ALK: variants seen among roughly 807,000 people sequenced by gnomAD.
The protein encoded by ALK is ALK tyrosine kinase receptor.
ALK carries 74 observed loss-of-function variants against 163.1 expected under a neutral mutation model. The observed-to-expected ratio is 0.45, with a 90% CI of 0.38 to 0.55. The LOEUF is 0.55. ALK is among the 20% of genes least tolerant of loss of function. The pLI is 0.00. For synonymous variants in ALK, 960 were observed against 843.2 expected (o/e 1.14, Z -2.40); for missense variants, 2,063 against 2,105.3 (o/e 0.98, Z 0.39).
At chr2:29,750,926 A>G (rs1455101596) in intron 1 of ALK, among the ~76,000 whole-genome samples, 1 of 150,806 alleles carries the variant, frequency 6.6e-6, no homozygotes, top group Non-Finnish European at 1.5e-5. Flanking sequence ...AAAAATTAGC[A>G]GGGCATGGTG....
chr2:29,274,755 T>C (rs541843086), intron 11 of ALK, among the ~76,000 whole-genome samples: 26 of 152,314 alleles, frequency 1.7e-4, no homozygotes, highest in Admixed American at 1.4e-3. Flanking sequence ...GGAGGAGAAA[T>C]CTTACAGTAA....
intron 3 of ALK, among the ~76,000 whole-genome samples, chr2:29,673,245 C>A (rs1207052382): frequency 1.6e-5 from 2 of 126,884 alleles, no homozygotes; most frequent in East Asian, 2.2e-4. Flanking sequence ...GACATGAAGT[C>A]CTTGCCCATG....
At chr2:29,324,814 T>C (rs571861441) in intron 6 of ALK, among the ~76,000 whole-genome samples, 1 of 152,164 alleles carries the variant, frequency 6.6e-6, no homozygotes, top group Non-Finnish European at 1.5e-5. Context: ...CAGGAGTGGC[T>C]GTATTGGAGA....
chr2:29,727,995 T>A (rs999887236), intron 1 of ALK, among the ~76,000 whole-genome samples: 2 of 152,154 alleles, frequency 1.3e-5, no homozygotes, highest in African/African-American at 4.8e-5. Context: ...AATATGATCT[T>A]CTGTGCCCCC....
chr2:29,782,370 C>A (rs986775579), intron 1 of ALK, among the ~76,000 whole-genome samples: 1 of 152,130 alleles, frequency 6.6e-6, no homozygotes, highest in Non-Finnish European at 1.5e-5. Flanking sequence ...TGTCTATGGT[C>A]CCCAAGCTGG....
rs1677543281 is a variant in ALK at position 29,667,325 on chromosome 2, A to G, written c.952+27525T>C. ...CTTTATTTATTTCTCTGAATAAATT[A>G]CTCTGGCCAGGACCTCCAGTGTTAT... On this transcript the variant is annotated intron_variant, in intron 3 of 28. Transcript: ENST00000389048. Among the ~76,000 whole-genome samples the G allele has an allele frequency of 2.0e-5, 3 of 152,000 alleles. No individual in the cohort carries two copies. In the South Asian group the frequency reaches 6.2e-4, roughly 32 times the overall value.
At chr2:29,747,080 G>C (rs1243539211) in intron 1 of ALK, among the ~76,000 whole-genome samples, 2 of 152,182 alleles carry the variant, frequency 1.3e-5, no homozygotes, top group African/African-American at 4.8e-5. Flanking sequence ...CCAAGTGTGT[G>C]TGTTTGTTGA....
intron 3 of ALK, among the ~76,000 whole-genome samples, chr2:29,554,398 A>G (rs1673792160): frequency 6.6e-6 from 1 of 152,306 alleles, no homozygotes; most frequent in Middle Eastern, 3.4e-3. Flanking sequence ...TGGGAGAAGA[A>G]GATTTAGAAA....
chr2:29,381,287 G>A (rs147209914), intron 5 of ALK, among the ~76,000 whole-genome samples: 75 of 152,370 alleles, frequency 4.9e-4, no homozygotes, highest in African/African-American at 8.9e-4. Flanking sequence ...TTGGCTTTGC[G>A]CATGGCGAGT....
chr2:29,784,631 G>T (rs1297214021), intron 1 of ALK, among the ~76,000 whole-genome samples: 2 of 152,054 alleles, frequency 1.3e-5, no homozygotes, highest in Non-Finnish European at 2.9e-5. Flanking sequence ...GGAGGCAGAG[G>T]TTGCAGTGAA....
intron 4 of ALK, among the ~76,000 whole-genome samples, chr2:29,452,332 GTTTTTTTT>G (rs66533654): frequency 6.8e-6 from 1 of 146,106 alleles, no homozygotes; most frequent in South Asian, 2.2e-4. Context: ...AGTTTTTTTT[GTTTTTTTT>G]TTTTTTTTTT....
chr2:29,506,178 C>T (rs1672314853), intron 4 of ALK, among the ~76,000 whole-genome samples: 1 of 152,150 alleles, frequency 6.6e-6, no homozygotes, highest in African/African-American at 2.4e-5. Flanking sequence ...ATTTCCTTTG[C>T]CCTTGTACAG....
chr2:29,610,940 T>C (rs987182071), intron 3 of ALK, among the ~76,000 whole-genome samples: 1 of 152,156 alleles, frequency 6.6e-6, no homozygotes, highest in African/African-American at 2.4e-5. Flanking sequence ...GAAAAATGTA[T>C]GAGAGGTGTC....
Position 29,773,253 on chromosome 2 carries a change from CAT to C in ALK, c.668-55558_668-55557del, listed in dbSNP as rs1491398862. ...AAATGTACACACACACACACACACA[CAT>C]TTTTTTCTTTTTAGAGAACTAGTTG... On this transcript the variant is annotated intron_variant, in intron 1 of 28. Transcript: ENST00000389048. 9.9e-5 allele frequency among the ~76,000 whole-genome samples: 15 copies of C among 152,168 alleles called. No homozygotes were observed. The East Asian group carries it at 2.9e-3, about 29-fold the overall frequency.
At chr2:29,743,224 C>T (rs1350108342) in intron 1 of ALK, among the ~76,000 whole-genome samples, 1 of 152,198 alleles carries the variant, frequency 6.6e-6, no homozygotes, top group South Asian at 2.1e-4. Flanking sequence ...AAAGCTTCTA[C>T]AATTTTTCAT....
intron 1 of ALK, among the ~76,000 whole-genome samples, chr2:29,842,799 G>A (rs530977557): frequency 7.2e-5 from 11 of 152,284 alleles, no homozygotes; most frequent in East Asian, 1.9e-4. Flanking sequence ...CTGGGGCTGC[G>A]CAAACATCCA....
intron 1 of ALK, among the ~76,000 whole-genome samples, chr2:29,780,894 T>C (rs906138988): frequency 3.0e-4 from 45 of 152,242 alleles, no homozygotes; most frequent in African/African-American, 9.4e-4. Context: ...TTGATGACTT[T>C]CTAGAGGCCT....
intron 4 of ALK, among the ~76,000 whole-genome samples, chr2:29,387,194 C>T (rs182397842): frequency 1.0e-3 from 156 of 152,286 alleles, no homozygotes; most frequent in African/African-American, 3.3e-3. Flanking sequence ...ATTATCTTCC[C>T]TGTGTCTCTC....
intron 3 of ALK, among the ~76,000 whole-genome samples, chr2:29,662,034 C>T (rs527382619): frequency 2.0e-5 from 3 of 152,176 alleles, no homozygotes; most frequent in South Asian, 4.1e-4. Flanking sequence ...CTCAGCCTCC[C>T]GAGTAGCTGG....
Sources: allele counts gnomAD v4.1 joint callset (sites outside exome capture counted in the v4.1 genomes callset), GRCh38; gene constraint gnomAD v4.1.1; transcripts MANE v1.5; gene names NCBI Gene and HGNC (gene_info 2026-07-23, HGNC 2026-07-21).